The following CCDC50 variants were observed in gnomAD, a reference collection of about 807,000 sequenced individuals.
CCDC50 encodes the protein coiled-coil domain containing 50.
In CCDC50, 54 loss-of-function variants were observed where a neutral mutation model predicts 70.2. The ratio of observed to expected loss-of-function variants is 0.77; its 90% CI spans 0.62 to 0.96. CCDC50 has a LOEUF of 0.96. Among genes scored for constraint, CCDC50 ranks in the 50% least tolerant of loss-of-function variants. The probability of loss-of-function intolerance (pLI) is 0.00; values close to 1 mark genes in which losing one functional copy is unlikely to be tolerated. For missense variants in CCDC50, 558 were observed against 578.7 expected (o/e 0.96, Z 0.37); for synonymous variants, 216 against 198.8 (o/e 1.09, Z -0.73).
Position 191,382,812 on chromosome 3 carries a change from GA to G in CCDC50, c.1312del (p.Arg438GlyfsTer10). The G allele has an allele frequency of 6.2e-7, 1 of 1,612,066 alleles. No homozygotes were observed. Among genetic ancestry groups the G allele is most frequent in the Non-Finnish European group, 8.5e-7 (1 of 1,178,332 alleles). On this transcript the variant is annotated frameshift_variant, in exon 10 of 12. Transcript: ENST00000392455. LOFTEE classifies it high-confidence loss of function. Reference protein sequence around the residue: ...ESDEPHHSKNERPARPPPPIM... With the variant: ...ESDEPHHSKNXRPARPPPPIM... Reference sequence around the variant, plus strand: ...TGATGAACCTCACCATTCTAAGAATGAAAGGCCAGCACGGTAAGCTGACACC... The same window carrying G: ...TGATGAACCTCACCATTCTAAGAATGAAGGCCAGCACGGTAAGCTGACACC...
chr3:191,359,406 G>A (rs796273936), intron 3 of CCDC50, among the ~76,000 whole-genome samples: 2 of 152,290 alleles, frequency 1.3e-5, no homozygotes, highest in African/African-American at 4.8e-5. Context: ...GGCCAGGAAA[G>A]TAGTCAAAAG....
intron 4 of CCDC50, 67 bp from the exon 5 acceptor site, chr3:191,369,852 G>GCC (rs1712834481): frequency 8.8e-7 from 1 of 1,135,414 alleles, no homozygotes; most frequent in East Asian, 2.4e-5. Flanking sequence ...GGAATGTCAA[G>GCC]CCCCACCATA....
At chr3:191,359,580 G>C (rs1013808371) in intron 3 of CCDC50, among the ~76,000 whole-genome samples, 1 of 152,158 alleles carries the variant, frequency 6.6e-6, no homozygotes, top group Admixed American at 6.5e-5. Context: ...TTTGAAGGCA[G>C]CTGTTGAGCA....
At chr3:191,369,586 T>A (rs1208499425) in intron 4 of CCDC50, among the ~76,000 whole-genome samples, 1 of 152,210 alleles carries the variant, frequency 6.6e-6, no homozygotes, top group Admixed American at 6.5e-5. Flanking sequence ...CAATCTAGAT[T>A]TATTGAATCA....
chr3:191,335,092 C>A lies in CCDC50; in HGVS notation c.49+5369C>A, dbSNP rs367926509. On this transcript the variant is annotated intron_variant, in intron 1 of 11. Transcript: ENST00000392455. ...ATAAAGTCATAGGCCATGGTCTTTC[C>A]TCAGCCCTTGTTAGGGACTTAACAG... Among the ~76,000 whole-genome samples, 52 of 152,270 alleles carry A rather than the reference C, an allele frequency of 3.4e-4. No individual in the cohort carries two copies. The East Asian group carries it at 6.7e-3, about 20-fold the overall frequency.
chr3:191,330,947 A>C (rs3796221), intron 1 of CCDC50, among the ~76,000 whole-genome samples: 13,662 of 152,200 alleles, frequency 0.09, 755 homozygotes, highest in East Asian at 0.26. Flanking sequence ...TTTAGCGTTA[A>C]TACTTTTCTA....
intron 11 of CCDC50, among the ~76,000 whole-genome samples, chr3:191,390,813 A>C (rs1013147944): frequency 4.6e-5 from 7 of 152,152 alleles, no homozygotes; most frequent in African/African-American, 1.7e-4. Flanking sequence ...TAGAATGCCT[A>C]ACCTCCTGGG....
intron 4 of CCDC50, among the ~76,000 whole-genome samples, chr3:191,366,379 A>T (rs1457359684): frequency 6.6e-6 from 1 of 152,038 alleles, no homozygotes; most frequent in Non-Finnish European, 1.5e-5. Context: ...AATTTTCCAG[A>T]GTTGGGTGAG....
intron 1 of CCDC50, among the ~76,000 whole-genome samples, chr3:191,343,410 A>G (rs954953973): frequency 5.9e-5 from 9 of 152,252 alleles, no homozygotes; most frequent in Admixed American, 2.0e-4. Context: ...TGTTCTGTGC[A>G]GTGTACTGCA....
At chr3:191,370,620 T>C (rs1712880238) in intron 5 of CCDC50, among the ~76,000 whole-genome samples, 1 of 151,646 alleles carries the variant, frequency 6.6e-6, no homozygotes, top group Non-Finnish European at 1.5e-5. Context: ...TCCCAAGTAG[T>C]TAGAAATACA....
In CCDC50 at chr3:191,351,827, T is replaced by G. The variant is rs1439815509; in HGVS notation, c.50-5261T>G. The stretch of plus-strand genomic sequence containing the variant: ...ACAGGGTCTTTCCTATCCCATCTCT[T>G]GCTGTAATTCTCTTTGGGGCTTCTG... On this transcript the variant is annotated intron_variant, in intron 1 of 11. Transcript: ENST00000392455. Among the ~76,000 whole-genome samples the G allele has an allele frequency of 1.4e-5, 2 of 140,968 alleles. 1 individual carries two copies. The highest frequency in any genetic ancestry group is 3.2e-5 in the Non-Finnish European group (2 of 62,568). The allele number at this position is 140,968 out of a possible 152,430, so 92.5% of individuals were successfully genotyped here. A position where few individuals can be genotyped will look rare whatever the true frequency, so the allele number is the denominator to read the frequency against.
At chr3:191,371,016 A>G (rs1220150121) in intron 5 of CCDC50, among the ~76,000 whole-genome samples, 3 of 152,182 alleles carry the variant, frequency 2.0e-5, no homozygotes, top group Non-Finnish European at 4.4e-5. Flanking sequence ...TGGTATGAAG[A>G]AAGAAGGTAT....
At chr3:191,365,705 A>G (rs1157860373) in intron 4 of CCDC50, among the ~76,000 whole-genome samples, 1 of 152,170 alleles carries the variant, frequency 6.6e-6, no homozygotes, top group Non-Finnish European at 1.5e-5. Flanking sequence ...GTCACATTTT[A>G]AAATCACCTT....
At chr3:191,374,007 C>T (rs895078087) in intron 5 of CCDC50, among the ~76,000 whole-genome samples, 1 of 152,142 alleles carries the variant, frequency 6.6e-6, no homozygotes, top group African/African-American at 2.4e-5. Context: ...CTTTCAAATG[C>T]AGTTCAGCAA....
intron 5 of CCDC50, 62 bp downstream of exon 5, chr3:191,370,098 ATTT>A: frequency 8.3e-7 from 1 of 1,207,568 alleles, no homozygotes; most frequent in Non-Finnish European, 1.2e-6. Context: ...CACTCCTTTA[ATTT>A]TGTTCATAAA....
chr3:191,330,805 G>A (rs1717955327), intron 1 of CCDC50, among the ~76,000 whole-genome samples: 1 of 152,176 alleles, frequency 6.6e-6, no homozygotes, highest in Admixed American at 6.5e-5. Flanking sequence ...ATGAGGGACT[G>A]CTTGATTGCT....
chr3:191,389,357 A>G, intron 10 of CCDC50, 139 bp from the exon 11 acceptor site: 4 of 775,512 alleles, frequency 5.2e-6, no homozygotes, highest in Middle Eastern at 2.4e-4. Context: ...GCAACTGTCC[A>G]GGAACTACAG....
At chr3:191,383,152 C>T (rs1228918147) in intron 10 of CCDC50, among the ~76,000 whole-genome samples, 1 of 151,940 alleles carries the variant, frequency 6.6e-6, no homozygotes. Context: ...AATAAAATTT[C>T]GAGTTTTAAA....
intron 1 of CCDC50, among the ~76,000 whole-genome samples, chr3:191,337,611 G>C (rs1711563651): frequency 6.6e-6 from 1 of 151,904 alleles, no homozygotes; most frequent in Non-Finnish European, 1.5e-5. Context: ...CCAAAGTGCT[G>C]GGATTACAAG....
Sources: gnomAD v4.1 joint callset for allele counts (sites outside exome capture counted in the v4.1 genomes callset) on GRCh38, gnomAD v4.1.1 for gene constraint, MANE v1.5 for transcripts, NCBI Gene and HGNC (gene_info 2026-07-23, HGNC 2026-07-21) for gene names.